LOC131768270: variants seen among roughly 807,000 people sequenced by gnomAD.
the LOC131768270 span, chr5:140,567,269 G>A: frequency 6.2e-7 from 1 of 1,614,102 alleles, no homozygotes; most frequent in Non-Finnish European, 8.5e-7. Flanking sequence ...CGGTGCCCAT[G>A]CCCCATTGCT....
chr5:140,567,692 G>T, the LOC131768270 span: 1 of 1,614,010 alleles, frequency 6.2e-7, no homozygotes, highest in East Asian at 2.2e-5. Flanking sequence ...CCCTCCAGCA[G>T]CTGCTGCCAG....
the LOC131768270 span, chr5:140,567,214 G>C: frequency 2.5e-6 from 4 of 1,614,042 alleles, no homozygotes; most frequent in African/African-American, 2.7e-5. Flanking sequence ...GCCGTCCCAG[G>C]CAGGCCCGCT....
the LOC131768270 span, among the ~76,000 whole-genome samples, chr5:140,566,397 C>T: frequency 1.6e-4 from 25 of 152,228 alleles, no homozygotes; most frequent in Middle Eastern, 3.4e-3. Flanking sequence ...ATCAGAACTG[C>T]TTGGTTCTTT....
chr5:140,568,338 G>T, the LOC131768270 span: 1 of 848,312 alleles, frequency 1.2e-6, no homozygotes, highest in Non-Finnish European at 1.8e-6. Context: ...GAGATGTGAA[G>T]TGTGGGTTTG....
chr5:140,568,274 G>T, the LOC131768270 span: 28 of 1,441,274 alleles, frequency 1.9e-5, no homozygotes, highest in Admixed American at 3.9e-4. Context: ...AGCTGGAGAA[G>T]TGAGGGCAGC....
the LOC131768270 span, chr5:140,565,135 C>G: frequency 0.013 from 4,957 of 380,706 alleles, 48 homozygotes; most frequent in Non-Finnish European, 0.015. Context: ...AAACACTCCT[C>G]ACTTTACCCC....
the LOC131768270 span, chr5:140,569,018 A>C: frequency 6.0e-6 from 1 of 167,096 alleles, no homozygotes; most frequent in Admixed American, 6.5e-5. Flanking sequence ...CCTGTAGCTC[A>C]ATCAGTGTCT....
chr5:140,568,121 C>T, the LOC131768270 span: 31 of 1,613,522 alleles, frequency 1.9e-5, no homozygotes, highest in East Asian at 1.6e-4. Flanking sequence ...CCTGGCCATG[C>T]GCCTGTACTA....
At chr5:140,564,998 T>G in the LOC131768270 span, 1 of 399,144 alleles carries the variant, frequency 2.5e-6, no homozygotes, top group Non-Finnish European at 4.4e-6. The surrounding 1 kb of genome is among the most constrained non-coding windows in gnomAD (Gnocchi z 5.0). Flanking sequence ...GTCAACTGCC[T>G]CAACAGTGTG....
the LOC131768270 span, chr5:140,568,293 T>C: frequency 2.1e-5 from 27 of 1,290,824 alleles, no homozygotes; most frequent in African/African-American, 3.0e-5. Flanking sequence ...GCCAGGTTAT[T>C]CTCTGGAGGT....
the LOC131768270 span, chr5:140,566,006 T>A: frequency 2.5e-6 from 1 of 398,950 alleles, no homozygotes; most frequent in Non-Finnish European, 4.4e-6. Context: ...TGCCTTAGGC[T>A]TTATTGCCCA....
the LOC131768270 span, chr5:140,566,477 T>C: frequency 5.0e-6 from 2 of 400,068 alleles, no homozygotes; most frequent in Non-Finnish European, 8.8e-6. Context: ...GAGGAGCTGG[T>C]GGTGGAATGC....
chr5:140,566,245 G>A, the LOC131768270 span, among the ~76,000 whole-genome samples: 1 of 152,076 alleles, frequency 6.6e-6, no homozygotes, highest in Non-Finnish European at 1.5e-5. Flanking sequence ...GGTGAAAGGA[G>A]GTCCATTTGG....
At chr5:140,567,494 T>C in the LOC131768270 span, 3 of 1,614,062 alleles carry the variant, frequency 1.9e-6, no homozygotes, top group Non-Finnish European at 2.5e-6. Flanking sequence ...TCTTCAGCGT[T>C]ACATGGACCC....
At chr5:140,566,017 A>C in the LOC131768270 span, 1 of 398,844 alleles carries the variant, frequency 2.5e-6, no homozygotes, top group Non-Finnish European at 4.4e-6. Context: ...TTATTGCCCA[A>C]CATGCTCTTG....
the LOC131768270 span, chr5:140,568,491 TGAAAGTGG>T: frequency 3.1e-6 from 1 of 319,006 alleles, no homozygotes. Flanking sequence ...ACAGAGTTGA[TGAAAGTGG>T]GGTGTGGGCA....
At chr5:140,568,020 CCTG>C in the LOC131768270 span, 1 of 1,614,038 alleles carries the variant, frequency 6.2e-7, no homozygotes, top group Non-Finnish European at 8.5e-7. Flanking sequence ...TTTGTGGTGT[CCTG>C]CTCGCTGGTG....
At chr5:140,567,440 C>G in the LOC131768270 span, 4 of 1,614,148 alleles carry the variant, frequency 2.5e-6, no homozygotes, top group Non-Finnish European at 3.4e-6. Context: ...TCCCTTCGCA[C>G]TATCAGCCCT....
At chr5:140,567,241 C>G in the LOC131768270 span, 218 of 1,614,084 alleles carry the variant, frequency 1.4e-4, no homozygotes, top group Non-Finnish European at 1.7e-4. Context: ...TGATGCTACT[C>G]CTATCCACTG....
Sources: gnomAD v4.1 joint callset for allele counts (sites outside exome capture counted in the v4.1 genomes callset) on GRCh38, gnomAD v4.1.1 for gene constraint, Gnocchi (gnomAD v3.1) non-coding constraint, MANE v1.5 for transcripts.